The following SLC39A10 variants were observed in gnomAD, a reference collection of about 807,000 sequenced individuals.
SLC39A10 encodes the protein solute carrier family 39 member 10.
SLC39A10 carries 13 observed loss-of-function variants against 65.1 expected under a neutral mutation model. The observed-to-expected ratio is 0.20, with a 90% CI of 0.13 to 0.32. The LOEUF is 0.32. Ranked by LOEUF, SLC39A10 falls within the 10% of genes least tolerant of loss-of-function variation. SLC39A10 has a pLI of 1.00. For missense variants in SLC39A10, 831 were observed against 1,018.4 expected, an observed-to-expected ratio of 0.82 and a Z score of 2.50; for synonymous variants, 321 against 342.2, an observed-to-expected ratio of 0.94 and a Z score of 0.68.
At chr2:195,653,244 C>T (rs1689078606), upstream of SLC39A10, among the ~76,000 whole-genome samples, 1 of 151,748 alleles carries the variant, frequency 6.6e-6, no homozygotes, top group Non-Finnish European at 1.5e-5. Flanking sequence ...AAGTCTCTTT[C>T]ATCAGTCTTA....
At position 195,680,690 on chromosome 2, in the gene SLC39A10, G is replaced by A. The variant is rs1276642090; in HGVS notation, c.648G>A (p.Glu216=). The part of the protein sequence containing the change: ...RGEPSNEPST[E]TNKTQEQSDV... ...AGCCTAGCAATGAACCTTCAACAGAGACCAATAAAACCCAGGAACAATCTG... is the reference window on the plus strand; with the variant it reads ...AGCCTAGCAATGAACCTTCAACAGAAACCAATAAAACCCAGGAACAATCTG... Residue 216 remains glutamate, a synonymous_variant, in exon 2 of 10, where the codon GAG becomes GAA. Coordinates refer to ENST00000359634, the MANE Select transcript of SLC39A10 (RefSeq NM_020342.3). The A allele has an allele frequency of 6.2e-7, 1 of 1,613,732 alleles. No homozygotes were observed. Among genetic ancestry groups the A allele is most frequent in the Non-Finnish European group, 8.5e-7 (1 of 1,179,996 alleles).
intron 1 of SLC39A10, among the ~76,000 whole-genome samples, chr2:195,661,961 T>G (rs1689418531): frequency 6.6e-6 from 1 of 152,216 alleles, no homozygotes; most frequent in African/African-American, 2.4e-5. Flanking sequence ...TATTAATATT[T>G]CTAATCAATT....
rs545238036 is a variant in SLC39A10, at chr2:195,735,956, T to C, written c.*915T>C. The C allele has an allele frequency of 4.0e-4, 61 of 152,368 alleles. No individual in the cohort carries two copies. The highest frequency in any genetic ancestry group is 1.4e-3 in the African/African-American group (60 of 41,552). The allele number at this position is 152,368 out of a possible 1,614,324, so 9.4% of individuals were successfully genotyped here. A position where few individuals can be genotyped will look rare whatever the true frequency, so the allele number is the denominator to read the frequency against. ...TATTTTAACAGTACCAACTAGTTAA[T>C]TGGGAAATGTAAGTTCTGAATGTTC... On this transcript the variant is annotated 3_prime_UTR_variant, in exon 10 of 10. Transcript: ENST00000359634.
intron 2 of SLC39A10, among the ~76,000 whole-genome samples, chr2:195,681,344 G>T (rs996762159): frequency 6.6e-6 from 1 of 152,058 alleles, no homozygotes; most frequent in Admixed American, 6.6e-5. Context: ...GGCTAACATG[G>T]TGAAACCCCG....
At chr2:195,640,040 A>G (rs886746684) in intron 2 of SLC39A10, among the ~76,000 whole-genome samples, 3 of 152,094 alleles carry the variant, frequency 2.0e-5, no homozygotes, top group Admixed American at 6.5e-5. Context: ...TTGTTGCTCA[A>G]ATTTCTCAGA....
intron 9 of SLC39A10, 126 bp from the exon 10 acceptor site, chr2:195,734,757 A>AT: frequency 1.1e-6 from 1 of 928,724 alleles, no homozygotes; most frequent in Non-Finnish European, 1.6e-6. Context: ...ATTGTGTTCA[A>AT]TAAAATAATT....
chr2:195,690,176 A>AGG (rs1251865872), intron 3 of SLC39A10, among the ~76,000 whole-genome samples: 2 of 130,374 alleles, frequency 1.5e-5, no homozygotes, highest in Non-Finnish European at 3.1e-5. Flanking sequence ...ACTCTCTGAA[A>AGG]AAAAAAAAAA....
chr2:195,641,609 T>C (rs1362778604), intron 2 of SLC39A10, among the ~76,000 whole-genome samples: 1 of 152,112 alleles, frequency 6.6e-6, no homozygotes, highest in African/African-American at 2.4e-5. Context: ...ATATCACATG[T>C]CAATTTAGAC....
chr2:195,714,093 A>T (rs886658493), intron 6 of SLC39A10, among the ~76,000 whole-genome samples: 3 of 151,892 alleles, frequency 2.0e-5, no homozygotes, highest in Non-Finnish European at 4.4e-5. Flanking sequence ...CGCCTGGCTA[A>T]TTTTTTTCTT....
At chr2:195,672,089 G>A (rs1212919095) in intron 1 of SLC39A10, among the ~76,000 whole-genome samples, 2 of 151,906 alleles carry the variant, frequency 1.3e-5, no homozygotes, top group African/African-American at 4.8e-5. Context: ...ATCAATAGCT[G>A]CTTAGCCTGT....
In SLC39A10 at chr2:195,682,431, G is replaced by A. The variant is rs573006592; in HGVS notation, c.1009-1268G>A. Among the ~76,000 whole-genome samples the A allele has an allele frequency of 5.9e-5, 9 of 152,172 alleles. No individual in the cohort carries two copies. In the South Asian group the frequency reaches 1.9e-3, roughly 32 times the overall value. On this transcript the variant is annotated intron_variant, in intron 2 of 9. Coordinates refer to ENST00000359634, the MANE Select transcript of SLC39A10 (RefSeq NM_020342.3). ...ATTAAGATCTTAGTATGATTTTAAA[G>A]TATGCATTCATTTTATTATTATTTT...
chr2:195,683,260 CA>C (rs1690401229), intron 2 of SLC39A10, among the ~76,000 whole-genome samples: 1 of 151,870 alleles, frequency 6.6e-6, no homozygotes, highest in East Asian at 1.9e-4. Context: ...TTTTCCAAAA[CA>C]ATATGCTTTT....
At chr2:195,678,465 T>C (rs1022738173) in intron 1 of SLC39A10, among the ~76,000 whole-genome samples, 2 of 152,162 alleles carry the variant, frequency 1.3e-5, no homozygotes, top group South Asian at 2.1e-4. Flanking sequence ...GGTCGTCTTA[T>C]TGTAATTTTC....
intron 2 of SLC39A10, among the ~76,000 whole-genome samples, chr2:195,631,171 G>A (rs1574203818): frequency 6.6e-6 from 1 of 152,076 alleles, no homozygotes; most frequent in East Asian, 1.9e-4. Flanking sequence ...GGGAGACAGA[G>A]TGAGACTCTG....
At chr2:195,703,182 A>G (rs1158798661) in intron 3 of SLC39A10, among the ~76,000 whole-genome samples, 1 of 152,192 alleles carries the variant, frequency 6.6e-6, no homozygotes, top group Non-Finnish European at 1.5e-5. Context: ...GAGAAATGCT[A>G]GATTATTAAA....
intron 3 of SLC39A10, among the ~76,000 whole-genome samples, chr2:195,694,646 G>A (rs1341184763): frequency 6.6e-6 from 1 of 152,198 alleles, no homozygotes; most frequent in South Asian, 2.1e-4. Flanking sequence ...TGTTCTTGAG[G>A]AGGTAGCAGG....
intron 3 of SLC39A10, among the ~76,000 whole-genome samples, chr2:195,705,040 C>T (rs532160118): frequency 7.9e-5 from 12 of 152,270 alleles, no homozygotes; most frequent in African/African-American, 1.9e-4. Context: ...TCAAGCTATC[C>T]GCCTGCCTCA....
chr2:195,732,123 G>A (rs987123232), intron 9 of SLC39A10, among the ~76,000 whole-genome samples: 7 of 152,174 alleles, frequency 4.6e-5, no homozygotes, highest in African/African-American at 1.7e-4. Flanking sequence ...GTAGGTGTTG[G>A]CCATATCCTG....
chr2:195,676,407 G>GAA (rs1239200752), intron 1 of SLC39A10, among the ~76,000 whole-genome samples: 4 of 151,280 alleles, frequency 2.6e-5, no homozygotes, highest in Non-Finnish European at 5.9e-5. Flanking sequence ...ATTTTTTAAA[G>GAA]AATTTAGTTA....
Sources: gnomAD v4.1 joint callset for allele counts (sites outside exome capture counted in the v4.1 genomes callset) on GRCh38, gnomAD v4.1.1 for gene constraint, MANE v1.5 for transcripts, NCBI Gene and HGNC (gene_info 2026-07-23, HGNC 2026-07-21) for gene names.